The following CDH13 variants were observed in gnomAD, a reference collection of about 807,000 sequenced individuals.
The protein encoded by CDH13 is cadherin-13.
A neutral mutation model predicts 63.8 loss-of-function variants in CDH13; 24 were observed. The ratio of observed to expected loss-of-function variants is 0.38; its 90% CI spans 0.27 to 0.53. CDH13 has a LOEUF of 0.53. Ranked by LOEUF, CDH13 falls within the 20% of genes least tolerant of loss-of-function variation. The pLI, the probability that CDH13 is intolerant of heterozygous loss-of-function variation, is 0.85. For synonymous variants in CDH13, 503 were observed against 355.3 expected (o/e 1.42, Z -4.67); for missense variants, 1,049 against 903.1 (o/e 1.16, Z -2.07).
At chr16:83,178,843 G>A (rs937987869) in intron 4 of CDH13, among the ~76,000 whole-genome samples, 1 of 152,004 alleles carries the variant, frequency 6.6e-6, no homozygotes. Context: ...TGCACAAATA[G>A]CCTGGCCTTG....
At chr16:82,707,074 G>C (rs1349252001) in intron 1 of CDH13, among the ~76,000 whole-genome samples, 1 of 152,318 alleles carries the variant, frequency 6.6e-6, no homozygotes, top group East Asian at 1.9e-4. Context: ...TCCCCTGTTT[G>C]GCGGGAAAAT....
intron 1 of CDH13, among the ~76,000 whole-genome samples, chr16:82,638,080 C>T (rs1051399757): frequency 6.6e-6 from 1 of 152,236 alleles, no homozygotes; most frequent in Non-Finnish European, 1.5e-5. Context: ...CCTTCCTTTG[C>T]TCCTTTGCTT....
At chr16:82,632,134 C>T (rs1908083772) in intron 1 of CDH13, among the ~76,000 whole-genome samples, 1 of 152,172 alleles carries the variant, frequency 6.6e-6, no homozygotes, top group Non-Finnish European at 1.5e-5. Context: ...GTCACTACTG[C>T]CCTCTTTAGG....
Position 82,767,030 on chromosome 16 carries a change from C to G in CDH13, c.46-91332C>G, listed in dbSNP as rs561947287. ...GTGTGTCTCCCGTCCATCCACTAAT[C>G]TACCTCATGTTTTCGATTGGACACA... On this transcript the variant is annotated intron_variant, in intron 1 of 13. Transcript: ENST00000567109. 9.8e-5 allele frequency among the ~76,000 whole-genome samples: 15 copies of G among 152,338 alleles called. No homozygotes were observed. The South Asian group carries it at 3.1e-3, about 32-fold the overall frequency.
At chr16:82,924,417 A>G (rs546756975) in intron 2 of CDH13, among the ~76,000 whole-genome samples, 25 of 152,356 alleles carry the variant, frequency 1.6e-4, no homozygotes, top group African/African-American at 5.8e-4. Flanking sequence ...CAGTAATGTC[A>G]GGAGGACAAT....
At chr16:83,603,581 C>G (rs781074955) in intron 8 of CDH13, among the ~76,000 whole-genome samples, 3 of 152,142 alleles carry the variant, frequency 2.0e-5, no homozygotes, top group Non-Finnish European at 4.4e-5. Context: ...CTTTCCTCAT[C>G]TGCCATCAAT....
At chr16:83,544,953 A>G (rs574601535) in intron 7 of CDH13, among the ~76,000 whole-genome samples, 5 of 152,258 alleles carry the variant, frequency 3.3e-5, no homozygotes, top group East Asian at 1.9e-4. Context: ...AGAGAAATGT[A>G]TAGGTATGAT....
intron 10 of CDH13, among the ~76,000 whole-genome samples, chr16:83,720,313 A>G (rs1321884784): frequency 1.8e-5 from 2 of 109,656 alleles, no homozygotes; most frequent in Non-Finnish European, 4.4e-5. Context: ...ACTCATGCAC[A>G]CACATGCACA....
intron 1 of CDH13, among the ~76,000 whole-genome samples, chr16:82,721,899 G>T (rs888631323): frequency 6.6e-6 from 1 of 152,104 alleles, no homozygotes; most frequent in Admixed American, 6.6e-5. Flanking sequence ...ACACTATGCT[G>T]TGGCAGTGGG....
At chr16:82,746,325 G>C (rs1030036940) in intron 1 of CDH13, among the ~76,000 whole-genome samples, 1 of 151,252 alleles carries the variant, frequency 6.6e-6, no homozygotes, top group African/African-American at 2.4e-5. Flanking sequence ...CAATTTCTAA[G>C]TCATACTCAA....
intron 6 of CDH13, chr16:83,398,082 G>C (rs1324999774): frequency 2.6e-5 from 4 of 152,220 alleles, no homozygotes; most frequent in Admixed American, 2.6e-4. Flanking sequence ...AAGCTTGAGT[G>C]TACAGCAGAA....
At position 83,753,770 on chromosome 16, in the gene CDH13, C is replaced by T. The variant is rs77688895; in HGVS notation, c.1681+5520C>T. ...TTGATAAAATATATGGCTTCGGGAA[C>T]TTCCATGTAGGATACAGTACGGAAG... On this transcript the variant is annotated intron_variant, in intron 11 of 13. Transcript: ENST00000567109. Among the ~76,000 whole-genome samples, 485 of 152,060 alleles carry T rather than the reference C, an allele frequency of 3.2e-3. 4 individuals are homozygous for T. Among genetic ancestry groups the T allele is most frequent in the African/African-American group, 0.011 (469 of 41,490 alleles).
At chr16:83,015,511 C>T (rs1302882410) in intron 2 of CDH13, among the ~76,000 whole-genome samples, 1 of 151,026 alleles carries the variant, frequency 6.6e-6, no homozygotes, top group Non-Finnish European at 1.5e-5. Context: ...CAACATAATC[C>T]AAAGGTCCTC....
At chr16:82,772,228 C>G (rs1404967127) in intron 1 of CDH13, among the ~76,000 whole-genome samples, 1 of 152,146 alleles carries the variant, frequency 6.6e-6, no homozygotes, top group East Asian at 1.9e-4. Context: ...CAAATTAGGG[C>G]TCCCTTCCCT....
At chr16:83,590,428 G>A (rs529779337) in intron 7 of CDH13, among the ~76,000 whole-genome samples, 14 of 152,128 alleles carry the variant, frequency 9.2e-5, no homozygotes, top group Admixed American at 2.0e-4. Flanking sequence ...CCCAGGGGCC[G>A]GCTGGAGATG....
At chr16:83,162,860 T>C (rs1367477153) in intron 4 of CDH13, among the ~76,000 whole-genome samples, 1 of 152,114 alleles carries the variant, frequency 6.6e-6, no homozygotes, top group African/African-American at 2.4e-5. Context: ...TTGGGGACTG[T>C]TGAGATGCCT....
chr16:82,637,290 C>G (rs923233278), intron 1 of CDH13, among the ~76,000 whole-genome samples: 2 of 152,118 alleles, frequency 1.3e-5, no homozygotes, highest in Admixed American at 6.5e-5. Context: ...AGTATTGATT[C>G]CGAACGTGTC....
At chr16:83,702,298 T>A (rs182646810) in intron 10 of CDH13, among the ~76,000 whole-genome samples, 1 of 152,304 alleles carries the variant, frequency 6.6e-6, no homozygotes, top group Admixed American at 6.5e-5. Context: ...AGATAACCCC[T>A]CAAATCTCAA....
At chr16:83,266,103 A>C (rs1012167241) in intron 5 of CDH13, among the ~76,000 whole-genome samples, 3 of 151,894 alleles carry the variant, frequency 2.0e-5, no homozygotes, top group African/African-American at 7.3e-5. Flanking sequence ...CGTCCGGCTA[A>C]TTTTTGTGTT....
Sources: gnomAD v4.1 joint callset for allele counts (sites outside exome capture counted in the v4.1 genomes callset) on GRCh38, gnomAD v4.1.1 for gene constraint, MANE v1.5 for transcripts, NCBI Gene and HGNC (gene_info 2026-07-23, HGNC 2026-07-21) for gene names.